RNLS: variants seen among roughly 807,000 people sequenced by gnomAD.
The protein encoded by RNLS is renalase.
Under a neutral mutation model 39.8 loss-of-function variants are expected in RNLS, and 39 were observed. The ratio of observed to expected loss-of-function variants is 0.98; its 90% CI spans 0.76 to 1.28. The LOEUF is 1.28. Ranked by LOEUF, RNLS falls within the 50% of genes most tolerant of loss-of-function variation. The pLI is 0.00. For missense variants in RNLS, 410 were observed against 413.3 expected (o/e 0.99, Z 0.07); for synonymous variants, 147 against 150.7 (o/e 0.98, Z 0.18).
chr10:88,176,914 A>G, the RNLS span, among the ~76,000 whole-genome samples: 1 of 152,140 alleles, frequency 6.6e-6, no homozygotes, highest in African/African-American at 2.4e-5. Flanking sequence ...GGAATATATC[A>G]TTTCATTCTT....
intron 4 of RNLS, among the ~76,000 whole-genome samples, chr10:88,450,099 A>G (rs536423940): frequency 6.6e-6 from 1 of 152,272 alleles, no homozygotes; most frequent in South Asian, 2.1e-4. Context: ...TGGAAGTTAT[A>G]TAAGAATCTT....
chr10:88,579,359 C>T (rs1850393689), intron 3 of RNLS, among the ~76,000 whole-genome samples: 1 of 152,012 alleles, frequency 6.6e-6, no homozygotes, highest in Admixed American at 6.6e-5. Flanking sequence ...CAAAGGAAGG[C>T]AGGGGAAAGC....
intron 4 of RNLS, among the ~76,000 whole-genome samples, chr10:88,563,768 T>C (rs529717517): frequency 1.3e-5 from 2 of 152,272 alleles, no homozygotes; most frequent in African/African-American, 4.8e-5. Context: ...CCCCAAGATC[T>C]TTATTTTAAT....
the RNLS span, among the ~76,000 whole-genome samples, chr10:88,240,415 A>ATTTTTTTT: frequency 8.6e-6 from 1 of 116,048 alleles, no homozygotes; most frequent in African/African-American, 2.7e-5. Flanking sequence ...CCTTTTTTTA[A>ATTTTTTTT]AAAAAAAAAA....
chr10:88,239,951 T>C, the RNLS span, among the ~76,000 whole-genome samples: 24 of 152,250 alleles, frequency 1.6e-4, 1 homozygote, highest in African/African-American at 7.2e-5. Flanking sequence ...CAAAATATTA[T>C]ATTTTGTTAT....
At chr10:88,466,705 G>C (rs190290568) in intron 4 of RNLS, among the ~76,000 whole-genome samples, 143 of 152,084 alleles carry the variant, frequency 9.4e-4, no homozygotes, top group African/African-American at 3.3e-3. Flanking sequence ...GACCCCAAAA[G>C]TGTATTTTTT....
chr10:88,191,557 T>A, the RNLS span, among the ~76,000 whole-genome samples: 1 of 152,216 alleles, frequency 6.6e-6, no homozygotes, highest in Non-Finnish European at 1.5e-5. Flanking sequence ...ATGTTTTGAT[T>A]TTTTCCCCTT....
intron 6 of RNLS, among the ~76,000 whole-genome samples, chr10:88,278,621 A>G (rs1019178960): frequency 6.6e-6 from 1 of 152,116 alleles, no homozygotes; most frequent in African/African-American, 2.4e-5. Context: ...TGCATACACA[A>G]CATACCAACT....
chr10:88,442,838 G>T (rs529205391), intron 4 of RNLS, among the ~76,000 whole-genome samples: 162 of 152,210 alleles, frequency 1.1e-3, no homozygotes, highest in Middle Eastern at 6.8e-3. Context: ...AGTACTTCCA[G>T]CTCCAACACT....
At chr10:88,250,729 C>T in the RNLS span, among the ~76,000 whole-genome samples, 7 of 152,304 alleles carry the variant, frequency 4.6e-5, no homozygotes, top group Admixed American at 1.3e-4. Flanking sequence ...AACCAAAGGC[C>T]GGATTCCGCC....
At chr10:88,444,822 G>A (rs1384485412) in intron 4 of RNLS, among the ~76,000 whole-genome samples, 2 of 152,194 alleles carry the variant, frequency 1.3e-5, no homozygotes, top group Non-Finnish European at 2.9e-5. Flanking sequence ...GGGACTATGT[G>A]AAAAGACCAA....
chr10:88,547,431 T>A (rs1305284697), intron 4 of RNLS, among the ~76,000 whole-genome samples: 1 of 152,230 alleles, frequency 6.6e-6, no homozygotes, highest in African/African-American at 2.4e-5. Context: ...CTAATATACA[T>A]ATCTTTGCAA....
chr10:88,207,720 G>A, the RNLS span, among the ~76,000 whole-genome samples: 1 of 152,154 alleles, frequency 6.6e-6, no homozygotes, highest in Non-Finnish European at 1.5e-5. Context: ...CTTTATGCTA[G>A]AACTCTCTGT....
At chr10:88,258,229 T>C in the RNLS span, among the ~76,000 whole-genome samples, 1 of 152,206 alleles carries the variant, frequency 6.6e-6, no homozygotes, top group African/African-American at 2.4e-5. Context: ...TTTATAAATA[T>C]TGTGACTGAC....
rs183672885 is a variant in RNLS at position 88,299,550 on chromosome 10, G to A, written c.877-14044C>T. Among the ~76,000 whole-genome samples, 52 of 152,280 alleles carry A rather than the reference G, an allele frequency of 3.4e-4. No individual in the cohort carries two copies. The East Asian group carries it at 7.9e-3, about 23-fold the overall frequency. ...TGAGGCAGGAGAATTGCTTGACCCC[G>A]TGAGGTGGAGGTTGCAGTGAGCCAA... On this transcript the variant is annotated intron_variant, in intron 6 of 6. Coordinates refer to ENST00000331772, the MANE Select transcript of RNLS (RefSeq NM_001031709.3).
chr10:88,420,253 T>C (rs1854325036), intron 4 of RNLS, among the ~76,000 whole-genome samples: 1 of 152,054 alleles, frequency 6.6e-6, no homozygotes, highest in Non-Finnish European at 1.5e-5. Flanking sequence ...TAGATCTTTC[T>C]TTTTGGTCAC....
intron 4 of RNLS, among the ~76,000 whole-genome samples, chr10:88,478,669 C>T (rs950208182): frequency 3.9e-5 from 6 of 152,102 alleles, no homozygotes; most frequent in African/African-American, 1.4e-4. Flanking sequence ...TTCCAGCTTC[C>T]GTTCACTCGA....
chr10:88,180,467 T>G, the RNLS span, among the ~76,000 whole-genome samples: 12 of 152,330 alleles, frequency 7.9e-5, no homozygotes, highest in African/African-American at 2.9e-4. Flanking sequence ...AGAGTGAGAA[T>G]TTCACTATAT....
chr10:88,270,794 A>G (rs1198774339), downstream of RNLS, among the ~76,000 whole-genome samples: 1 of 152,170 alleles, frequency 6.6e-6, no homozygotes, highest in Non-Finnish European at 1.5e-5. Context: ...TACAACCCCA[A>G]CTTCCAAGTA....
Sources: gnomAD v4.1 joint callset for allele counts (sites outside exome capture counted in the v4.1 genomes callset) on GRCh38, gnomAD v4.1.1 for gene constraint, MANE v1.5 for transcripts, NCBI Gene and HGNC (gene_info 2026-07-23, HGNC 2026-07-21) for gene names.